STARD13: variants seen among roughly 807,000 people sequenced by gnomAD.
The protein encoded by STARD13 is StAR related lipid transfer domain containing 13, also known as stAR-related lipid transfer protein 13.
Under a neutral mutation model 106.4 loss-of-function variants are expected in STARD13, and 62 were observed. The observed-to-expected ratio is 0.58, with a 90% CI of 0.48 to 0.72. The LOEUF (loss-of-function observed/expected upper bound fraction) is 0.72, where lower values mean the gene tolerates loss of function less well. Ranked by LOEUF, STARD13 falls within the 30% of genes least tolerant of loss-of-function variation. STARD13 has a pLI of 0.00. For missense variants in STARD13, 1,387 were observed against 1,424.0 expected, an observed-to-expected ratio of 0.97 and a Z score of 0.42; for synonymous variants, 565 against 553.0, an observed-to-expected ratio of 1.02 and a Z score of -0.31.
intron 1 of STARD13, chr13:33,336,226 G>T (rs2077895719): frequency 6.6e-6 from 1 of 152,160 alleles, no homozygotes; most frequent in South Asian, 2.1e-4. Context: ...TGCTATTAAG[G>T]TTTAATTTAT....
chr13:33,605,860 T>C, the STARD13 span, among the ~76,000 whole-genome samples: 1 of 152,238 alleles, frequency 6.6e-6, no homozygotes, highest in Non-Finnish European at 1.5e-5. Context: ...CGATTCTCTT[T>C]ATTGCATTTT....
At chr13:33,314,186 C>A (rs921048279) in intron 1 of STARD13, among the ~76,000 whole-genome samples, 6 of 152,020 alleles carry the variant, frequency 3.9e-5, no homozygotes, top group Non-Finnish European at 7.3e-5. Flanking sequence ...GAGATAAGAG[C>A]AAATCTAATT....
At chr13:33,374,676 T>A in the STARD13 span, among the ~76,000 whole-genome samples, 5 of 152,154 alleles carry the variant, frequency 3.3e-5, no homozygotes, top group African/African-American at 4.8e-5. Context: ...TTTGGAAGAT[T>A]AATGCAATTT....
At chr13:33,542,822 G>C in the STARD13 span, among the ~76,000 whole-genome samples, 1 of 152,186 alleles carries the variant, frequency 6.6e-6, no homozygotes, top group East Asian at 1.9e-4. Context: ...CTCTCGGTGC[G>C]GCAGCGCCAT....
chr13:33,117,631 T>C, intron 8 of STARD13: 1 of 978,824 alleles, frequency 1.0e-6, no homozygotes, highest in African/African-American at 1.7e-5. Flanking sequence ...TGTGCTAAAA[T>C]ACATTTGTTT....
intron 1 of STARD13, among the ~76,000 whole-genome samples, chr13:33,337,246 C>G (rs1375599527): frequency 2.6e-5 from 4 of 152,022 alleles, no homozygotes. Flanking sequence ...TGAGTAAGTA[C>G]CCTAGGTGAA....
chr13:33,539,917 A>G, the STARD13 span, among the ~76,000 whole-genome samples: 1 of 152,264 alleles, frequency 6.6e-6, no homozygotes, highest in Admixed American at 6.5e-5. Context: ...TTCACAACAT[A>G]TACTTCTGAC....
chr13:33,228,739 T>C (rs1299027346), intron 1 of STARD13, among the ~76,000 whole-genome samples: 2 of 152,240 alleles, frequency 1.3e-5, no homozygotes, highest in African/African-American at 4.8e-5. Flanking sequence ...TTCCACTACA[T>C]GTCCACTAGA....
the STARD13 span, among the ~76,000 whole-genome samples, chr13:33,356,350 C>G: frequency 6.6e-6 from 1 of 152,282 alleles, no homozygotes; most frequent in South Asian, 2.1e-4. Flanking sequence ...AGTTTGAGAC[C>G]TCAAACATAC....
At chr13:33,216,691 C>A (rs1566079913) in intron 1 of STARD13, among the ~76,000 whole-genome samples, 1 of 152,046 alleles carries the variant, frequency 6.6e-6, no homozygotes, top group Non-Finnish European at 1.5e-5. Flanking sequence ...CCAAACACCG[C>A]CTATTCTCCA....
At chr13:33,324,675 CAATGTT>C (rs1210862570) in intron 1 of STARD13, among the ~76,000 whole-genome samples, 1 of 152,128 alleles carries the variant, frequency 6.6e-6, no homozygotes, top group African/African-American at 2.4e-5. Context: ...GTTTTTCACT[CAATGTT>C]AATGAAGAGA....
the STARD13 span, among the ~76,000 whole-genome samples, chr13:33,364,686 G>T: frequency 6.6e-6 from 1 of 152,152 alleles, no homozygotes; most frequent in Non-Finnish European, 1.5e-5. Flanking sequence ...TCAGGAGATC[G>T]GGACCATCCT....
At chr13:33,192,602 G>A (rs1318539132) in intron 1 of STARD13, among the ~76,000 whole-genome samples, 16 of 152,112 alleles carry the variant, frequency 1.1e-4, no homozygotes, top group Admixed American at 1.0e-3. Context: ...CTTTTAAAAA[G>A]GTATTACCAT....
the STARD13 span, among the ~76,000 whole-genome samples, chr13:33,404,773 C>CTTT: frequency 1.2e-4 from 15 of 122,226 alleles, no homozygotes; most frequent in East Asian, 2.3e-4. Context: ...ACCTCTGGGA[C>CTTT]TTTTTTTTTT....
the STARD13 span, among the ~76,000 whole-genome samples, chr13:33,660,114 C>T: frequency 0.011 from 1,629 of 152,252 alleles, 27 homozygotes; most frequent in African/African-American, 0.037. Context: ...AGGCCAGCTA[C>T]GCTCTGCTCA....
intron 1 of STARD13, among the ~76,000 whole-genome samples, chr13:33,228,053 C>T (rs980969630): frequency 2.0e-5 from 3 of 152,132 alleles, no homozygotes; most frequent in African/African-American, 7.2e-5. Flanking sequence ...TAAAAAAGAA[C>T]ATTTGACTTG....
chr13:33,499,607 C>CTTCTTCTTCT, the STARD13 span, among the ~76,000 whole-genome samples: 1 of 59,728 alleles, frequency 1.7e-5, no homozygotes, highest in Non-Finnish European at 3.2e-5. Flanking sequence ...CTTCTTCTTT[C>CTTCTTCTTCT]TTCTTCTTCT....
At chr13:33,496,202 A>G in the STARD13 span, among the ~76,000 whole-genome samples, 1 of 145,922 alleles carries the variant, frequency 6.9e-6, no homozygotes, top group African/African-American at 2.5e-5. Flanking sequence ...TACTTATATA[A>G]TTTCTAATGT....
chr13:33,529,805 C>T, the STARD13 span, among the ~76,000 whole-genome samples: 6 of 152,120 alleles, frequency 3.9e-5, no homozygotes, highest in East Asian at 1.2e-3. Context: ...AGCACAAAAA[C>T]AATACAGCAT....
Sources: allele counts gnomAD v4.1 joint callset (sites outside exome capture counted in the v4.1 genomes callset), GRCh38; gene constraint gnomAD v4.1.1; transcripts MANE v1.5; gene names NCBI Gene and HGNC (gene_info 2026-07-23, HGNC 2026-07-21).